MYCBP2: variants seen among roughly 807,000 people sequenced by gnomAD.
MYCBP2 encodes the protein E3 ubiquitin-protein ligase MYCBP2.
A neutral mutation model predicts 525.3 loss-of-function variants in MYCBP2; 120 were observed. The observed-to-expected ratio is 0.23, with a 90% confidence interval of 0.20 to 0.27. The LOEUF is 0.27. Ranked by LOEUF, MYCBP2 falls within the 10% of genes least tolerant of loss-of-function variation. MYCBP2 has a pLI of 1.00. For missense variants in MYCBP2, 4,149 were observed against 5,657.1 expected, an observed-to-expected ratio of 0.73 and a Z score of 8.55; for synonymous variants, 1,894 against 1,955.8, an observed-to-expected ratio of 0.97 and a Z score of 0.83.
At chr13:77,188,270 A>G (rs562952214) in intron 30 of MYCBP2, among the ~76,000 whole-genome samples, 1 of 152,276 alleles carries the variant, frequency 6.6e-6, no homozygotes, top group African/African-American at 2.4e-5. Flanking sequence ...CTTCCTATGC[A>G]TTTTACTAAT....
intron 52 of MYCBP2, 56 bp from the exon 53 acceptor site, chr13:77,126,598 A>C: frequency 7.3e-7 from 1 of 1,365,728 alleles, no homozygotes; most frequent in Non-Finnish European, 1.0e-6. Context: ...TATCACTTTC[A>C]AAGCCTTCCT....
chr13:77,135,384 T>C (rs2053587417), intron 52 of MYCBP2, among the ~76,000 whole-genome samples: 1 of 152,216 alleles, frequency 6.6e-6, no homozygotes, highest in Non-Finnish European at 1.5e-5. Flanking sequence ...GGCAGCAAGA[T>C]GCAACTATTT....
chr13:77,326,505 C>T lies in MYCBP2; in HGVS notation c.271G>A (p.Gly91Arg). ...YTAALNDRDQ[G>R]GGSAGHPASR... ...GCTGGGTGTCCAGCGCTGCCGCCCC[C>T]CTGGTCCCTGTCATTGAGCGCAGCG... is the stretch of plus-strand genomic sequence containing the variant. Residue 91 changes from glycine (G) to arginine (R), a missense_variant, in exon 1 of 83, where the codon GGG (glycine) becomes AGG (arginine). Coordinates refer to ENST00000544440, the MANE Select transcript of MYCBP2 (RefSeq NM_015057.5). This position sits in a 1 kb window ranked among gnomAD's most constrained non-coding sequence, Gnocchi z 4.2. The T allele has an allele frequency of 6.3e-7, 1 of 1,593,044 alleles. No homozygotes were observed. The highest frequency in any genetic ancestry group is 2.4e-5 in the East Asian group (1 of 41,576).
Position 77,211,168 on chromosome 13 carries a change from T to G in MYCBP2, c.3415A>C (p.Arg1139=). 1 of 1,442,896 alleles carries G rather than the reference T, an allele frequency of 6.9e-7. No individual in the cohort carries two copies. The highest frequency in any genetic ancestry group is 9.2e-7 in the Non-Finnish European group (1 of 1,092,656). The allele number at this position is 1,442,896 out of a possible 1,614,324, so 89.4% of individuals were successfully genotyped here. A position where few individuals can be genotyped will look rare whatever the true frequency, so the allele number is the denominator to read the frequency against. The change falls in exon 23 of 83, where the codon AGG becomes CGG. Residue 1139 remains arginine (R), a splice_region_variant and synonymous_variant. Transcript: ENST00000544440. ...TATTTTATAAACTGAGATGCTTACC[T>G]CCAAATTACATCATATACAGGATCA... ...CLDPVYDVIW[R]FRPNTRELWC...
In MYCBP2 at chr13:77,125,458, G is replaced by A. The variant is rs1488198760; in HGVS notation, c.7895C>T (p.Ser2632Phe). The A allele has an allele frequency of 3.1e-6, 5 of 1,613,368 alleles. No homozygotes were observed. The highest frequency in any genetic ancestry group is 3.4e-6 in the Non-Finnish European group (4 of 1,179,654). ...KVKAVGEVTN[S>F]EGTWVQLDQN... Reference sequence around the variant, plus strand: ...ATCCAGTTGCACCCATGTCCCTTCAGAATTGGTTACCTGGTACATAACAAA... The same window carrying A: ...ATCCAGTTGCACCCATGTCCCTTCAAAATTGGTTACCTGGTACATAACAAA... The change falls in exon 54 of 83, where the codon TCT (serine) becomes TTT (phenylalanine). Residue 2632 changes from serine to phenylalanine, a missense_variant. By Grantham distance (155) the Ser-to-Phe change is radical. Around this residue, in one of 21 missense-constraint regions of MYCBP2, gnomAD observed 653 missense variants for 744.7 expected, o/e 0.88. Coordinates refer to ENST00000544440, the MANE Select transcript of MYCBP2 (RefSeq NM_015057.5).
rs755644945 is a variant in MYCBP2, at chr13:77,059,631, G to T, written c.13037-5C>A. 3 of 1,608,412 alleles carry T rather than the reference G, an allele frequency of 1.9e-6. No homozygotes were observed. The highest frequency in any genetic ancestry group is 2.6e-6 in the Non-Finnish European group (3 of 1,175,272). On this transcript the variant is annotated splice_polypyrimidine_tract_variant and splice_region_variant and intron_variant, in intron 76 of 82. Coordinates refer to ENST00000544440, the MANE Select transcript of MYCBP2 (RefSeq NM_015057.5). ...AGCTACTCGTGGTGGGTTTGCCTAG[G>T]TTCAAGCAGAAAAATAAAAATCCTT...
At chr13:77,067,950 C>G in intron 70 of MYCBP2, 86 bp from the exon 71 acceptor site, 1 of 1,359,230 alleles carries the variant, frequency 7.4e-7, no homozygotes, top group East Asian at 2.4e-5. Context: ...TTTTTAAAGA[C>G]AGGGTCTTGC....
intron 1 of MYCBP2, among the ~76,000 whole-genome samples, chr13:77,325,836 A>G (rs1232149726): frequency 1.3e-5 from 2 of 152,174 alleles, no homozygotes; most frequent in African/African-American, 2.4e-5. Flanking sequence ...AATCTCTATC[A>G]GACACCTTTC....
In MYCBP2 at chr13:77,261,151, T is replaced by C. The variant is rs370818997; in HGVS notation, c.1852+20A>G. Reference sequence around the variant, plus strand: ...AAAGCATTTATTTTTATTAAATGCATAGTTGATCACTCAACTTACTTGATT... The same window carrying C: ...AAAGCATTTATTTTTATTAAATGCACAGTTGATCACTCAACTTACTTGATT... On this transcript the variant is annotated intron_variant, in intron 12 of 82. Transcript: ENST00000544440. 123 of 1,569,502 alleles carry C rather than the reference T, an allele frequency of 7.8e-5. No homozygotes were observed. In the East Asian group the frequency reaches 1.2e-3, roughly 15 times the overall value.
At chr13:77,086,019 T>C (rs1472502374) in intron 62 of MYCBP2, among the ~76,000 whole-genome samples, 1 of 152,178 alleles carries the variant, frequency 6.6e-6, no homozygotes, top group Non-Finnish European at 1.5e-5. Context: ...ATTAGGTAGA[T>C]ACATATCCAG....
intron 20 of MYCBP2, among the ~76,000 whole-genome samples, chr13:77,223,306 T>A (rs1179134749): frequency 6.6e-6 from 1 of 152,190 alleles, no homozygotes; most frequent in South Asian, 2.1e-4. Context: ...ATCACTGGCC[T>A]GGCTAAAACT....
intron 52 of MYCBP2, among the ~76,000 whole-genome samples, chr13:77,138,182 C>G (rs911177594): frequency 6.6e-6 from 1 of 152,186 alleles, no homozygotes; most frequent in Non-Finnish European, 1.5e-5. Context: ...GATCACATAT[C>G]TTCCTTCTCT....
At chr13:77,117,029 A>T (rs566590739) in intron 55 of MYCBP2, among the ~76,000 whole-genome samples, 2 of 152,092 alleles carry the variant, frequency 1.3e-5, no homozygotes, top group South Asian at 4.1e-4. Context: ...TACCTGACTG[A>T]TCCTGATATT....
rs1331929323 is a variant in MYCBP2 at position 77,077,298 on chromosome 13, T to C, written c.11574A>G (p.Pro3858=). ...CTTGTCGAACTCTCAGTGTATTTTC[T>C]GGGCCTTTTAATTCAATTTTTATGA... ...NHIIKIELKG[P]ENTLRVRQVK... is the part of the protein sequence containing the mutation. Residue 3858 remains proline (P), a synonymous_variant, in exon 67 of 83, where the codon CCA becomes CCG. Transcript: ENST00000544440. The C allele has an allele frequency of 6.2e-7, 1 of 1,614,058 alleles. No homozygotes were observed. Among genetic ancestry groups the C allele is most frequent in the Admixed American group, 1.7e-5 (1 of 59,988 alleles).
At chr13:77,251,677 C>T (rs555620843) in intron 14 of MYCBP2, among the ~76,000 whole-genome samples, 1 of 152,082 alleles carries the variant, frequency 6.6e-6, no homozygotes, top group Non-Finnish European at 1.5e-5. Flanking sequence ...CCAAAGAAAG[C>T]CTCCCAACCA....
chr13:77,161,064 C>A (rs2057857482), intron 44 of MYCBP2, among the ~76,000 whole-genome samples: 1 of 152,108 alleles, frequency 6.6e-6, no homozygotes, highest in African/African-American at 2.4e-5. Flanking sequence ...CAAAATTTTC[C>A]CCATCACTGA....
At chr13:77,233,603 A>G (rs1205284769) in intron 17 of MYCBP2, among the ~76,000 whole-genome samples, 1 of 152,116 alleles carries the variant, frequency 6.6e-6, no homozygotes, top group Non-Finnish European at 1.5e-5. Flanking sequence ...TTAATATCAT[A>G]TATATTCAAA....
chr13:77,276,120 A>G (rs188015295), intron 4 of MYCBP2, among the ~76,000 whole-genome samples: 3 of 152,260 alleles, frequency 2.0e-5, no homozygotes, highest in African/African-American at 7.2e-5. Context: ...TTCTTAGCAC[A>G]TAACAAAGGG....
chr13:77,070,725 AAG>A lies in MYCBP2; in HGVS notation c.11824-16_11824-15del, dbSNP rs755733434. 6 of 1,552,788 alleles carry A rather than the reference AAG, an allele frequency of 3.9e-6. No homozygotes were observed. The Admixed American group carries it at 5.5e-5, about 14-fold the overall frequency. Reference sequence around the variant, plus strand: ...ATCTGATGTTGCCTTTACATAGAAAAAGAAAAAAAAAAAAAAGAATGAAGTGG... The same window carrying A: ...ATCTGATGTTGCCTTTACATAGAAAAAAAAAAAAAAAAAAGAATGAAGTGG... On this transcript the variant is annotated splice_polypyrimidine_tract_variant and intron_variant, in intron 68 of 82. Transcript: ENST00000544440.
Sources: allele counts gnomAD v4.1 joint callset (sites outside exome capture counted in the v4.1 genomes callset), GRCh38; gene constraint gnomAD v4.1.1; regional missense constraint gnomAD v4.1.1; non-coding constraint Gnocchi (gnomAD v3.1); transcripts MANE v1.5; gene names NCBI Gene and HGNC (gene_info 2026-07-23, HGNC 2026-07-21).